CDYL: variants seen among roughly 807,000 people sequenced by gnomAD.
CDYL encodes the protein chromodomain Y-like protein.
Under a neutral mutation model 47.3 loss-of-function variants are expected in CDYL, and 8 were observed. The observed-to-expected ratio is 0.17, with a 90% CI of 0.10 to 0.31. The LOEUF (loss-of-function observed/expected upper bound fraction) is 0.31. Among genes scored for constraint, CDYL ranks in the 10% least tolerant of loss-of-function variants. CDYL has a pLI of 1.00. For synonymous variants in CDYL, 266 were observed against 265.0 expected, an observed-to-expected ratio of 1.00 and a Z score of -0.04; for missense variants, 471 against 701.4, an observed-to-expected ratio of 0.67 and a Z score of 3.71.
chr6:4,947,395 C>T (rs1758555692), intron 5 of CDYL, among the ~76,000 whole-genome samples: 1 of 152,194 alleles, frequency 6.6e-6, no homozygotes, highest in African/African-American at 2.4e-5. Flanking sequence ...ACAGACCCTC[C>T]TCCAGTGGCT....
chr6:4,912,548 T>G (rs1757444262), intron 2 of CDYL, among the ~76,000 whole-genome samples: 1 of 152,248 alleles, frequency 6.6e-6, no homozygotes, highest in Admixed American at 6.5e-5. Flanking sequence ...GTGAAGGGAT[T>G]GAAGTGGAAA....
At chr6:4,830,022 G>C (rs76412796) in intron 1 of CDYL, among the ~76,000 whole-genome samples, 4,048 of 152,338 alleles carry the variant, frequency 0.027, 186 homozygotes, top group African/African-American at 0.092. Flanking sequence ...TTGGTTGTAA[G>C]AATAATTGCT....
In CDYL at chr6:4,715,746, C is replaced by A. The variant is rs3812180; in HGVS notation, c.-33C>A. The stretch of plus-strand genomic sequence containing the variant: ...TGTTGGGATTGTAATTGCAGGTGGT[C>A]ATCAGAGAACACAGAGCCCCCGGAA... On this transcript the variant is annotated 5_prime_UTR_variant, in exon 2 of 9. Coordinates refer to the CDYL transcript ENST00000328908. 336,863 of 1,606,604 alleles carry A rather than the reference C, an allele frequency of 0.21. 37,682 individuals carry two copies. Among genetic ancestry groups the A allele is most frequent in the Admixed American group, 0.33 (19,427 of 59,480 alleles).
intron 1 of CDYL, among the ~76,000 whole-genome samples, chr6:4,843,239 C>T (rs974823645): frequency 3.3e-5 from 5 of 152,160 alleles, no homozygotes; most frequent in Admixed American, 6.5e-5. Flanking sequence ...TGCCTCACAG[C>T]TCTTAAGATT....
chr6:4,784,904 C>T (rs1758712981), intron 1 of CDYL, among the ~76,000 whole-genome samples: 1 of 151,470 alleles, frequency 6.6e-6, no homozygotes, highest in East Asian at 1.9e-4. Context: ...AGGAGTTCCC[C>T]TGCACAAGCT....
chr6:4,840,565 A>G (rs1411756693), intron 1 of CDYL, among the ~76,000 whole-genome samples: 1 of 152,138 alleles, frequency 6.6e-6, no homozygotes. Context: ...TATTAAAGTT[A>G]TGTCCCTTCT....
At chr6:4,892,968 G>A (rs376355912) in intron 2 of CDYL, among the ~76,000 whole-genome samples, 4 of 152,164 alleles carry the variant, frequency 2.6e-5, no homozygotes, top group Non-Finnish European at 4.4e-5. Context: ...CCCCAGCCCC[G>A]CTCCTGGGTT....
At chr6:4,887,865 T>C (rs1446581374) in intron 1 of CDYL, among the ~76,000 whole-genome samples, 2 of 151,942 alleles carry the variant, frequency 1.3e-5, no homozygotes, top group Admixed American at 1.3e-4. Flanking sequence ...TTCCCTCTAT[T>C]TCTAGTTTAC....
chr6:4,915,364 G>C (rs752212031), intron 2 of CDYL, among the ~76,000 whole-genome samples: 83 of 152,210 alleles, frequency 5.5e-4, no homozygotes, highest in Non-Finnish European at 8.7e-4. Context: ...ATAAACTTAT[G>C]TGTTTTGACA....
At chr6:4,880,371 T>C (rs1040057413) in intron 1 of CDYL, among the ~76,000 whole-genome samples, 1 of 152,220 alleles carries the variant, frequency 6.6e-6, no homozygotes, top group Non-Finnish European at 1.5e-5. Context: ...TTCATTTCTT[T>C]TTGGTGCAGA....
intron 4 of CDYL, among the ~76,000 whole-genome samples, chr6:4,941,075 T>C (rs1004196808): frequency 6.6e-6 from 1 of 152,244 alleles, no homozygotes; most frequent in Admixed American, 6.5e-5. Flanking sequence ...TAAAGTCTTT[T>C]TAGACTAATT....
Position 4,788,970 on chromosome 6 carries a change from C to G in CDYL, c.24+12163C>G, listed in dbSNP as rs1758841366. Reference sequence around the variant, plus strand: ...CTATGTGAGTTAGAGCCCTCCCTGTCTTGTAGCTACATGGCGGGCCAGGTG... The same window carrying G: ...CTATGTGAGTTAGAGCCCTCCCTGTGTTGTAGCTACATGGCGGGCCAGGTG... On this transcript the variant is annotated intron_variant, in intron 1 of 6. Transcript: ENST00000397588. Among the ~76,000 whole-genome samples, 2 of 152,102 alleles carry G rather than the reference C, an allele frequency of 1.3e-5. 1 individual carries two copies. The highest frequency in any genetic ancestry group is 4.1e-4 in the South Asian group (2 of 4,822).
intron 2 of CDYL, among the ~76,000 whole-genome samples, chr6:4,722,146 C>A (rs1364716571): frequency 2.6e-5 from 4 of 152,200 alleles, no homozygotes; most frequent in African/African-American, 9.7e-5. Flanking sequence ...AGCCACTGCG[C>A]CCGGCCAGAG....
At chr6:4,877,277 G>C (rs1761646362) in intron 1 of CDYL, among the ~76,000 whole-genome samples, 1 of 151,950 alleles carries the variant, frequency 6.6e-6, no homozygotes, top group African/African-American at 2.4e-5. Flanking sequence ...TATTTATTCT[G>C]TCCTCACAAT....
chr6:4,903,677 G>A (rs529137934), intron 2 of CDYL, among the ~76,000 whole-genome samples: 2 of 152,200 alleles, frequency 1.3e-5, no homozygotes, highest in East Asian at 1.9e-4. Context: ...CCCCTCTCCC[G>A]CTTTGTGTGC....
intron 2 of CDYL, among the ~76,000 whole-genome samples, chr6:4,900,829 A>ATATATATATC (rs1757026164): frequency 1.2e-5 from 1 of 80,252 alleles, no homozygotes; most frequent in South Asian, 4.2e-4. Flanking sequence ...ATATATATAT[A>ATATATATATC]TCTTGCCTGT....
chr6:4,849,371 A>G (rs1760753835), intron 1 of CDYL, among the ~76,000 whole-genome samples: 6 of 152,212 alleles, frequency 3.9e-5, no homozygotes, highest in Admixed American at 3.9e-4. Context: ...TTATGAAAAC[A>G]TACCTTAATG....
intron 1 of CDYL, among the ~76,000 whole-genome samples, chr6:4,887,882 CTTT>C: frequency 7.9e-6 from 1 of 126,862 alleles, no homozygotes; most frequent in African/African-American, 2.9e-5. Context: ...TTACTGACTT[CTTT>C]TTTTTTTTTT....
chr6:4,761,854 A>G (rs1267689709), intron 3 of CDYL, among the ~76,000 whole-genome samples: 2 of 152,252 alleles, frequency 1.3e-5, no homozygotes, highest in African/African-American at 2.4e-5. Flanking sequence ...GGCAGACTAA[A>G]TAAGTGTGAT....
Sources: gnomAD v4.1 joint callset for allele counts (sites outside exome capture counted in the v4.1 genomes callset) on GRCh38, gnomAD v4.1.1 for gene constraint, MANE v1.5 for transcripts, NCBI Gene and HGNC (gene_info 2026-07-23, HGNC 2026-07-21) for gene names.